The following ADRA1A variants were observed in gnomAD, a reference collection of about 807,000 sequenced individuals.
ADRA1A encodes adrenoceptor alpha 1A, also known as alpha-1A adrenergic receptor.
Under a neutral mutation model 29.6 loss-of-function variants are expected in ADRA1A, and 31 were observed. The observed-to-expected ratio is 1.05, with a 90% CI of 0.79 to 1.41. The LOEUF (loss-of-function observed/expected upper bound fraction) is 1.41. Ranked by LOEUF, ADRA1A falls within the 40% of genes most tolerant of loss-of-function variation. The pLI, the probability that ADRA1A is intolerant of heterozygous loss-of-function variation, is 0.00. For synonymous variants in ADRA1A, 311 were observed against 254.3 expected, an observed-to-expected ratio of 1.22 and a Z score of -2.12; for missense variants, 619 against 601.1, an observed-to-expected ratio of 1.03 and a Z score of -0.31.
At chr8:26,765,138 C>T (rs1191565919), downstream of ADRA1A, among the ~76,000 whole-genome samples, 1 of 152,204 alleles carries the variant, frequency 6.6e-6, no homozygotes, top group African/African-American at 2.4e-5. Flanking sequence ...GTAAATCTTC[C>T]TGCTCCTAAA....
chr8:26,858,274 T>C (rs958086915), intron 2 of ADRA1A, among the ~76,000 whole-genome samples: 1 of 152,210 alleles, frequency 6.6e-6, no homozygotes, highest in Admixed American at 6.5e-5. Flanking sequence ...TCAGATAACA[T>C]ATCCAGAATT....
downstream of ADRA1A, among the ~76,000 whole-genome samples, chr8:26,764,884 T>G (rs1805691387): frequency 6.6e-6 from 1 of 152,240 alleles, no homozygotes; most frequent in Non-Finnish European, 1.5e-5. Flanking sequence ...TGCTCTTAGA[T>G]TTTCTGCCTA....
At chr8:26,768,787 C>G, downstream of ADRA1A, 1 of 598,056 alleles carries the variant, frequency 1.7e-6, no homozygotes, top group Non-Finnish European at 2.1e-6. Flanking sequence ...CCAGGCATTT[C>G]AGAAAAGAGA....
At chr8:26,814,095 T>C (rs1465619620) in intron 2 of ADRA1A, among the ~76,000 whole-genome samples, 2 of 152,196 alleles carry the variant, frequency 1.3e-5, no homozygotes, top group South Asian at 2.1e-4. Flanking sequence ...AATTTGAGTC[T>C]GGCTGATCCT....
intron 2 of ADRA1A, among the ~76,000 whole-genome samples, chr8:26,786,496 C>A (rs1318898598): frequency 6.6e-6 from 1 of 151,994 alleles, no homozygotes; most frequent in African/African-American, 2.4e-5. Flanking sequence ...ATCTCCTGAC[C>A]TCAAATGATC....
At chr8:26,799,349 A>G (rs981062865) in intron 2 of ADRA1A, among the ~76,000 whole-genome samples, 14 of 152,158 alleles carry the variant, frequency 9.2e-5, no homozygotes, top group Non-Finnish European at 1.9e-4. Context: ...TGGGTGGAGA[A>G]AACAGAGGTT....
chr8:26,748,371 T>C (rs1409954230), exon 3 of ADRA1A: 3 of 180,434 alleles, frequency 1.7e-5, no homozygotes, highest in African/African-American at 7.2e-5. Flanking sequence ...CTGCTGTTTT[T>C]CTTTCTTTTG....
At chr8:26,766,775 A>G (rs866310686), downstream of ADRA1A, among the ~76,000 whole-genome samples, 12 of 152,222 alleles carry the variant, frequency 7.9e-5, 1 homozygote, top group Middle Eastern at 3.4e-3. Context: ...TTTTATCTGT[A>G]AAATAGGGGT....
chr8:26,826,435 C>T (rs1213114524), intron 2 of ADRA1A, among the ~76,000 whole-genome samples: 1 of 152,090 alleles, frequency 6.6e-6, no homozygotes, highest in African/African-American at 2.4e-5. Context: ...GCTCCTTCTT[C>T]CATGCAAAAA....
chr8:26,778,207 AC>A (rs1305573811), intron 2 of ADRA1A, among the ~76,000 whole-genome samples: 1 of 152,136 alleles, frequency 6.6e-6, no homozygotes, highest in Non-Finnish European at 1.5e-5. Context: ...CATGATTTGG[AC>A]CCCAACGCCC....
chr8:26,801,900 A>C (rs1563263889), intron 2 of ADRA1A, among the ~76,000 whole-genome samples: 1 of 152,212 alleles, frequency 6.6e-6, no homozygotes, highest in Non-Finnish European at 1.5e-5. Context: ...ACAGACATAC[A>C]GACAAACAAA....
In ADRA1A at chr8:26,864,489, G is replaced by A. The variant is rs752353466; in HGVS notation, c.481C>T (p.Pro161Ser). ...GCCGGCTGCCTCCAGCCGAACAGGG[G>A]TCCAATGGATATGACCAGGGAGAGT... Reference protein sequence around the residue: ...WALSLVISIGPLFGWRQPAPE... With the variant: ...WALSLVISIGSLFGWRQPAPE... Residue 161 changes from proline to serine, a missense_variant, in exon 2 of 3, where the codon CCC becomes TCC. Pro to Ser is a moderately conservative substitution (Grantham distance 74, BLOSUM62 -1). Transcript: ENST00000380573. The surrounding 1 kb of genome is among the most constrained non-coding windows in gnomAD (Gnocchi z 8.1). 2.5e-6 allele frequency: 4 copies of A among 1,613,934 alleles called. No individual in the cohort carries two copies. The highest frequency in any genetic ancestry group is 3.4e-6 in the Non-Finnish European group (4 of 1,180,042).
At chr8:26,838,416 A>T (rs918360947) in intron 2 of ADRA1A, among the ~76,000 whole-genome samples, 6 of 152,192 alleles carry the variant, frequency 3.9e-5, no homozygotes, top group African/African-American at 1.4e-4. Context: ...AATAGAGGAC[A>T]ATAACTGGAA....
intron 2 of ADRA1A, among the ~76,000 whole-genome samples, chr8:26,845,444 G>A (rs764853907): frequency 9.2e-5 from 14 of 152,220 alleles, no homozygotes; most frequent in Non-Finnish European, 1.6e-4. Context: ...AAGTAATGGT[G>A]AGGATGTAGA....
At chr8:26,754,363 C>CT (rs200667741), downstream of ADRA1A, among the ~76,000 whole-genome samples, 61 of 150,016 alleles carry the variant, frequency 4.1e-4, no homozygotes, top group East Asian at 3.3e-3. Flanking sequence ...TTCAGATTAA[C>CT]TTTTTTTTTT....
chr8:26,865,716 C>T lies in ADRA1A; in HGVS notation c.-686-61G>A, dbSNP rs1014239540. On this transcript the variant is annotated intron_variant, in intron 1 of 2. Transcript: ENST00000380573. The surrounding 1 kb of genome is among the most constrained non-coding windows in gnomAD (Gnocchi z 7.6). The stretch of plus-strand genomic sequence containing the variant: ...AGGCGCCCCAGGGAAAGAGGCTGTG[C>T]TGAGCTTGACGGGTTGGGGGACACC... 33 of 985,516 alleles carry T rather than the reference C, an allele frequency of 3.3e-5. No individual in the cohort carries two copies. Among genetic ancestry groups the T allele is most frequent in the Non-Finnish European group, 3.6e-5 (30 of 830,168 alleles). The allele number at this position is 985,516 out of a possible 1,614,324, so 61.0% of individuals were successfully genotyped here.
chr8:26,815,517 A>G lies in ADRA1A; in HGVS notation c.884-44851T>C, dbSNP rs1809691437. 6.6e-6 allele frequency among the ~76,000 whole-genome samples: 1 copy of G among 152,190 alleles called. No homozygotes were observed. Among genetic ancestry groups the G allele is most frequent in the African/African-American group, 2.4e-5 (1 of 41,438 alleles). ...TGCATAAACCACATCAGGACAGAAG[A>G]TGAGGCCTTGGGCTTACATAAAATT... On this transcript the variant is annotated intron_variant, in intron 2 of 2. Coordinates refer to ENST00000380573, the MANE Select transcript of ADRA1A (RefSeq NM_000680.4). This position sits in a 1 kb window ranked among gnomAD's most constrained non-coding sequence, Gnocchi z 4.2.
chr8:26,818,587 T>C (rs1809929742), intron 2 of ADRA1A, among the ~76,000 whole-genome samples: 1 of 152,042 alleles, frequency 6.6e-6, no homozygotes, highest in Non-Finnish European at 1.5e-5. Flanking sequence ...GTTCGTTTTA[T>C]ATGACTATAA....
chr8:26,828,861 G>T (rs950416938), intron 2 of ADRA1A, among the ~76,000 whole-genome samples: 14 of 152,074 alleles, frequency 9.2e-5, no homozygotes, highest in African/African-American at 2.4e-4. Flanking sequence ...GGAATTCTGG[G>T]TAAGAGCCCA....
Sources: gnomAD v4.1 joint callset for allele counts (sites outside exome capture counted in the v4.1 genomes callset) on GRCh38, gnomAD v4.1.1 for gene constraint, Gnocchi (gnomAD v3.1) non-coding constraint, MANE v1.5 for transcripts, NCBI Gene and HGNC (gene_info 2026-07-23, HGNC 2026-07-21) for gene names.